Variants in CPVL observed in about 807,000 individuals in gnomAD.
CPVL encodes probable serine carboxypeptidase CPVL.
Under a neutral mutation model 63.7 loss-of-function variants are expected in CPVL, and 51 were observed. The observed-to-expected ratio is 0.80, with a 90% CI of 0.64 to 1.01. The LOEUF (loss-of-function observed/expected upper bound fraction) is 1.01, where lower values mean the gene tolerates loss of function less well. CPVL is among the 50% of genes least tolerant of loss of function. The pLI, the probability that CPVL is intolerant of heterozygous loss-of-function variation, is 0.00. For missense variants in CPVL, 530 were observed against 573.1 expected (o/e 0.92, Z 0.77); for synonymous variants, 195 against 206.0 (o/e 0.95, Z 0.46).
intron 11 of CPVL, among the ~76,000 whole-genome samples, chr7:29,052,528 T>C (rs1790288249): frequency 6.6e-6 from 1 of 151,204 alleles, no homozygotes; most frequent in Admixed American, 6.6e-5. Context: ...TTTTGGACTT[T>C]GATGGGCAAC....
chr7:29,051,708 A>C (rs934348009), intron 11 of CPVL, among the ~76,000 whole-genome samples: 1 of 152,080 alleles, frequency 6.6e-6, no homozygotes, highest in African/African-American at 2.4e-5. Flanking sequence ...AACTAAAAGT[A>C]GAACTACCAT....
chr7:29,096,866 T>G (rs1786462722), intron 3 of CPVL, among the ~76,000 whole-genome samples: 1 of 151,346 alleles, frequency 6.6e-6, no homozygotes, highest in Non-Finnish European at 1.5e-5. Context: ...ATGCCTGTAA[T>G]CCGAGCTACT....
rs73091942 is a variant in CPVL at position 29,031,315 on chromosome 7, A to G, written c.1138-556T>C. Among the ~76,000 whole-genome samples the G allele has an allele frequency of 4.4e-3, 675 of 152,284 alleles. 2 individuals carry two copies. Among genetic ancestry groups the G allele is most frequent in the Middle Eastern group, 0.01 (3 of 294 alleles). On this transcript the variant is annotated intron_variant, in intron 11 of 12. Coordinates refer to ENST00000265394, the MANE Select transcript of CPVL (RefSeq NM_031311.5). Reference sequence around the variant, plus strand: ...TGGAAGCAACTATGCCTGCCATGCCACTTGCAAAACTTCCTTTTTAAAAAT... The same window carrying G: ...TGGAAGCAACTATGCCTGCCATGCCGCTTGCAAAACTTCCTTTTTAAAAAT...
At chr7:29,046,573 A>G (rs1347504076) in intron 11 of CPVL, among the ~76,000 whole-genome samples, 1 of 150,570 alleles carries the variant, frequency 6.6e-6, no homozygotes, top group Non-Finnish European at 1.5e-5. Flanking sequence ...GCGTGCACAC[A>G]CACACACACA....
At chr7:29,036,099 T>C (rs1788497844) in intron 11 of CPVL, among the ~76,000 whole-genome samples, 1 of 152,240 alleles carries the variant, frequency 6.6e-6, no homozygotes, top group Non-Finnish European at 1.5e-5. Context: ...ATTCCATTCA[T>C]GCTTCAAGTA....
intron 7 of CPVL, among the ~76,000 whole-genome samples, chr7:29,084,962 A>G (rs1021690925): frequency 6.6e-6 from 1 of 152,252 alleles, no homozygotes; most frequent in Non-Finnish European, 1.5e-5. Context: ...TAGGAACCAC[A>G]GCCCTCAATG....
intron 5 of CPVL, among the ~76,000 whole-genome samples, chr7:29,180,953 C>T (rs1218019139): frequency 6.6e-6 from 1 of 152,152 alleles, no homozygotes; most frequent in African/African-American, 2.4e-5. Context: ...CACTGGTACC[C>T]AGTACTTACT....
chr7:29,128,468 C>G (rs1158795838), intron 1 of CPVL, among the ~76,000 whole-genome samples: 3 of 152,064 alleles, frequency 2.0e-5, no homozygotes, highest in Admixed American at 2.0e-4. Context: ...GTAATCCCAG[C>G]ACTTTGGGAG....
intron 7 of CPVL, among the ~76,000 whole-genome samples, 188 bp downstream of exon 7, chr7:29,086,296 A>G (rs556453393): frequency 2.1e-4 from 26 of 124,068 alleles, no homozygotes; most frequent in Admixed American, 1.1e-3. Context: ...TCCAACTAAA[A>G]AAAAATATAT....
intron 12 of CPVL, among the ~76,000 whole-genome samples, chr7:29,002,565 CAG>C (rs1263845379): frequency 6.6e-6 from 1 of 151,910 alleles, no homozygotes; most frequent in Admixed American, 6.6e-5. Flanking sequence ...AAAAAGATAA[CAG>C]AGACCACAAA....
chr7:29,135,198 G>A (rs1339273040), intron 1 of CPVL, among the ~76,000 whole-genome samples: 2 of 151,546 alleles, frequency 1.3e-5, no homozygotes, highest in African/African-American at 2.4e-5. Flanking sequence ...AGATTTAAAG[G>A]AACCATCAAG....
intron 11 of CPVL, among the ~76,000 whole-genome samples, chr7:29,041,447 AGAG>A (rs1328524914): frequency 6.6e-6 from 1 of 152,116 alleles, no homozygotes; most frequent in Admixed American, 6.5e-5. Flanking sequence ...AAATCTCTCC[AGAG>A]GAGGAATGTA....
At chr7:29,066,931 G>A (rs1390209680) in intron 9 of CPVL, among the ~76,000 whole-genome samples, 1 of 152,186 alleles carries the variant, frequency 6.6e-6, no homozygotes, top group Non-Finnish European at 1.5e-5. Context: ...AAAGAGCTTT[G>A]GGCTTGGAAA....
intron 2 of CPVL, among the ~76,000 whole-genome samples, chr7:29,185,941 G>A (rs1798656170): frequency 1.3e-5 from 2 of 152,110 alleles, no homozygotes; most frequent in African/African-American, 2.4e-5. Context: ...AGGGAAACTC[G>A]CCCATGTGAA....
At chr7:29,046,472 C>T (rs973331719) in intron 11 of CPVL, among the ~76,000 whole-genome samples, 1 of 152,110 alleles carries the variant, frequency 6.6e-6, no homozygotes, top group Non-Finnish European at 1.5e-5. Context: ...TTGGCATTTG[C>T]AGATGGTTCC....
At chr7:29,124,998 T>C (rs1264849692) in intron 1 of CPVL, 1 of 152,168 alleles carries the variant, frequency 6.6e-6, no homozygotes, top group Non-Finnish European at 1.5e-5. Context: ...TAACATTCTG[T>C]TAAGATATGT....
intron 12 of CPVL, among the ~76,000 whole-genome samples, chr7:28,996,736 T>C (rs1784113386): frequency 6.6e-6 from 1 of 152,184 alleles, no homozygotes; most frequent in Admixed American, 6.5e-5. Flanking sequence ...CTTTACTTGC[T>C]TTCTCACATA....
upstream of CPVL, among the ~76,000 whole-genome samples, chr7:29,150,337 G>T (rs907799122): frequency 1.3e-5 from 2 of 152,194 alleles, no homozygotes; most frequent in East Asian, 3.8e-4. Flanking sequence ...CATATAAAGT[G>T]CTTGTCATAT....
At chr7:29,033,183 C>A (rs1337452267) in intron 11 of CPVL, among the ~76,000 whole-genome samples, 1 of 150,974 alleles carries the variant, frequency 6.6e-6, no homozygotes, top group Non-Finnish European at 1.5e-5. Flanking sequence ...GAAGTGATTT[C>A]AAAGGCAGGC....
Sources: allele counts gnomAD v4.1 joint callset (sites outside exome capture counted in the v4.1 genomes callset), GRCh38; gene constraint gnomAD v4.1.1; transcripts MANE v1.5; gene names NCBI Gene and HGNC (gene_info 2026-07-23, HGNC 2026-07-21).